The following SRGAP1 variants were observed in gnomAD, a reference collection of about 807,000 sequenced individuals.
SRGAP1 encodes SLIT-ROBO Rho GTPase activating protein 1.
A neutral mutation model predicts 121.9 loss-of-function variants in SRGAP1; 43 were observed. That is an observed-to-expected ratio of 0.35 (90% CI 0.28 to 0.46). SRGAP1 has a LOEUF of 0.46. Among genes scored for constraint, SRGAP1 ranks in the 20% least tolerant of loss-of-function variants. SRGAP1 has a pLI of 1.00. For synonymous variants in SRGAP1, 447 were observed against 485.4 expected (o/e 0.92, Z 1.04); for missense variants, 1,102 against 1,350.9 (o/e 0.82, Z 2.89).
chr12:64,141,357 G>A (rs1207702501), intron 21 of SRGAP1, among the ~76,000 whole-genome samples: 6 of 151,866 alleles, frequency 4.0e-5, no homozygotes, highest in African/African-American at 7.3e-5. Context: ...CAAGGCAGGC[G>A]GATCATGAGG....
At chr12:64,108,526 T>A (rs1217180263) in intron 15 of SRGAP1, among the ~76,000 whole-genome samples, 1 of 152,204 alleles carries the variant, frequency 6.6e-6, no homozygotes, top group Non-Finnish European at 1.5e-5. Flanking sequence ...TGGATCATAA[T>A]TATAGACAAA....
At position 64,111,649 on chromosome 12, in the gene SRGAP1, C is replaced by A. The variant is rs545216890; in HGVS notation, c.1920-113C>A. 8.3e-5 allele frequency: 76 copies of A among 913,440 alleles called. No homozygotes were observed. In the African/African-American group the frequency reaches 1.2e-3, roughly 14 times the overall value. 56.6% of individuals were successfully genotyped at this position (913,440 alleles called of 1,614,324 possible). ...TTCACTTTCTTTGGAGTTTGCTGAG[C>A]CAACTTAAAGTTGAAGTATCTTATT... On this transcript the variant is annotated intron_variant, in intron 16 of 21. Transcript: ENST00000355086.
chr12:63,858,167 G>A (rs755531944), intron 1 of SRGAP1, among the ~76,000 whole-genome samples: 6 of 135,766 alleles, frequency 4.4e-5, no homozygotes, highest in African/African-American at 1.4e-4. Context: ...GGCTATCTTC[G>A]TTGTATTTTG....
chr12:63,952,667 C>T (rs190239764), intron 1 of SRGAP1, among the ~76,000 whole-genome samples: 5 of 152,256 alleles, frequency 3.3e-5, no homozygotes, highest in Non-Finnish European at 1.5e-5. Context: ...GGGCCTCAGA[C>T]ACAGTTTATG....
At chr12:64,087,822 TTC>T (rs1276521885) in intron 11 of SRGAP1, among the ~76,000 whole-genome samples, 4 of 152,332 alleles carry the variant, frequency 2.6e-5, no homozygotes, top group Admixed American at 1.3e-4. Flanking sequence ...TCCATTTTGA[TTC>T]ACTTTAAACA....
At chr12:63,855,986 G>T in intron 1 of SRGAP1, among the ~76,000 whole-genome samples, 1 of 152,024 alleles carries the variant, frequency 6.6e-6, no homozygotes, top group East Asian at 1.9e-4. Context: ...GGCTGGGCTT[G>T]GTGGCTCATG....
At chr12:64,059,880 T>C (rs1183651049) in intron 6 of SRGAP1, among the ~76,000 whole-genome samples, 2 of 152,196 alleles carry the variant, frequency 1.3e-5, no homozygotes, top group African/African-American at 4.8e-5. Flanking sequence ...CATTTCACAA[T>C]TGTATTTTGC....
chr12:63,917,219 G>A (rs980278170), intron 1 of SRGAP1, among the ~76,000 whole-genome samples: 2 of 152,088 alleles, frequency 1.3e-5, no homozygotes, highest in Admixed American at 6.5e-5. Flanking sequence ...AGTAAACACC[G>A]TATAAAGCGT....
At chr12:63,871,689 T>C in intron 1 of SRGAP1, 1 of 752,734 alleles carries the variant, frequency 1.3e-6, no homozygotes, top group Non-Finnish European at 2.2e-6. Flanking sequence ...GTAATTTTTC[T>C]ATTGCTTCAA....
At chr12:64,012,534 A>T (rs984204145) in intron 3 of SRGAP1, among the ~76,000 whole-genome samples, 1 of 142,166 alleles carries the variant, frequency 7.0e-6, no homozygotes, top group African/African-American at 2.7e-5. Flanking sequence ...CTGCTTTCAA[A>T]TATTTTAAGT....
At position 64,154,095 on chromosome 12, in the gene SRGAP1, ACT is replaced by A. The variant is rs897496881; in HGVS notation, c.*11426_*11427del. The A allele has an allele frequency of 2.0e-5, 3 of 152,214 alleles. No individual in the cohort carries two copies. Among genetic ancestry groups the A allele is most frequent in the African/African-American group, 7.2e-5 (3 of 41,462 alleles). 9.4% of individuals were successfully genotyped at this position (152,214 alleles called of 1,614,324 possible). ...TCTATGAGATATCTAAAGTAGTCAA[ACT>A]CTTATAAACAGAAAGCAGAATGGTG... is the stretch of plus-strand genomic sequence containing the variant. On this transcript the variant is annotated 3_prime_UTR_variant, in exon 22 of 22. Transcript: ENST00000355086.
At chr12:64,024,235 C>A (rs1593053858) in intron 4 of SRGAP1, among the ~76,000 whole-genome samples, 1 of 152,172 alleles carries the variant, frequency 6.6e-6, no homozygotes, top group East Asian at 1.9e-4. Flanking sequence ...TCAAGACCAG[C>A]CTGGGCAACA....
At chr12:63,968,377 TTCTC>T (rs1368005901) in intron 1 of SRGAP1, among the ~76,000 whole-genome samples, 1 of 152,210 alleles carries the variant, frequency 6.6e-6, no homozygotes, top group Non-Finnish European at 1.5e-5. Flanking sequence ...GATTTCTGGC[TTCTC>T]TCTCAGAAAA....
chr12:63,946,605 G>A (rs1307527797), intron 1 of SRGAP1, among the ~76,000 whole-genome samples: 5 of 151,082 alleles, frequency 3.3e-5, no homozygotes, highest in African/African-American at 4.9e-5. Context: ...GTGCAGTGGT[G>A]GGATCTTGGC....
At chr12:64,069,216 T>A (rs889178547) in intron 8 of SRGAP1, among the ~76,000 whole-genome samples, 1 of 152,142 alleles carries the variant, frequency 6.6e-6, no homozygotes, top group Admixed American at 6.5e-5. Context: ...ATGGCTTGCC[T>A]GGCCCTTAAA....
intron 1 of SRGAP1, chr12:63,888,124 G>A (rs10784371): frequency 0.29 from 44,615 of 152,002 alleles, 6,875 homozygotes; most frequent in East Asian, 0.57. Context: ...AGCATCTGTC[G>A]GTTTCCTCCT....
At chr12:63,993,003 A>C (rs539937477) in intron 3 of SRGAP1, among the ~76,000 whole-genome samples, 3 of 152,210 alleles carry the variant, frequency 2.0e-5, no homozygotes, top group Non-Finnish European at 4.4e-5. Flanking sequence ...AGCAGACTAC[A>C]GACCTTACCT....
intron 4 of SRGAP1, among the ~76,000 whole-genome samples, chr12:64,041,772 ATGTGTGTGTG>A (rs148785083): frequency 6.6e-6 from 1 of 150,904 alleles, no homozygotes; most frequent in Non-Finnish European, 1.5e-5. Context: ...ACATGTGTGT[ATGTGTGTGTG>A]TGTGTTTTCA....
intron 1 of SRGAP1, among the ~76,000 whole-genome samples, chr12:63,953,405 T>A (rs2032359600): frequency 6.6e-6 from 1 of 150,394 alleles, no homozygotes; most frequent in Middle Eastern, 3.4e-3. Flanking sequence ...ATTGATTTTT[T>A]TTTTTTTTTT....
Sources: allele counts gnomAD v4.1 joint callset (sites outside exome capture counted in the v4.1 genomes callset), GRCh38; gene constraint gnomAD v4.1.1; transcripts MANE v1.5; gene names NCBI Gene and HGNC (gene_info 2026-07-23, HGNC 2026-07-21).